ZNF331: variants seen among roughly 807,000 people sequenced by gnomAD.
ZNF331 encodes the protein zinc finger protein 331.
In ZNF331, 2 loss-of-function variants were observed where a neutral mutation model predicts 7.0. That is an observed-to-expected ratio of 0.29 (90% CI 0.12 to 0.90). ZNF331 has a LOEUF of 0.90. Among genes scored for constraint, ZNF331 ranks in the 40% least tolerant of loss-of-function variants. The pLI is 0.58. For missense variants in ZNF331, 432 were observed against 587.7 expected (o/e 0.74, Z 2.74); for synonymous variants, 196 against 205.4 (o/e 0.95, Z 0.39).
intron 2 of ZNF331, among the ~76,000 whole-genome samples, chr19:53,526,804 G>A (rs1014582406): frequency 1.4e-4 from 21 of 150,056 alleles, no homozygotes; most frequent in Non-Finnish European, 3.0e-4. Context: ...CGCCCACCTC[G>A]GCCTCCCAAA....
intron 2 of ZNF331, among the ~76,000 whole-genome samples, chr19:53,530,445 T>TCA (rs2087493907): frequency 6.6e-6 from 1 of 152,188 alleles, no homozygotes; most frequent in Non-Finnish European, 1.5e-5. Flanking sequence ...CCCACGGATG[T>TCA]CGATTTATAA....
chr19:53,503,395 G>C, the ZNF331 span: 1 of 499,464 alleles, frequency 2.0e-6, no homozygotes, highest in Non-Finnish European at 3.6e-6. Flanking sequence ...TGACAGAATG[G>C]CTGCTGGGAT....
intron 2 of ZNF331, among the ~76,000 whole-genome samples, chr19:53,542,269 G>T (rs2088229237): frequency 6.6e-6 from 1 of 152,136 alleles, no homozygotes; most frequent in Non-Finnish European, 1.5e-5. Context: ...TACCTTGTAG[G>T]ATTAGAAATC....
In ZNF331 at chr19:53,541,584, C is replaced by A. The variant is rs1441118764; in HGVS notation, c.-138+2302C>A. On this transcript the variant is annotated intron_variant, in intron 2 of 5. Coordinates refer to ENST00000449416, the MANE Select transcript of ZNF331 (RefSeq NM_001079906.2). ...CCTCTCAAGTACCTGGGATTACAGG[C>A]ACCAGCCACTGTACCCTGCTCCTAT... Among the ~76,000 whole-genome samples, 7 of 152,116 alleles carry A rather than the reference C, an allele frequency of 4.6e-5. No individual in the cohort carries two copies. In the East Asian group the frequency reaches 1.3e-3, roughly 29 times the overall value.
the ZNF331 span, among the ~76,000 whole-genome samples, chr19:53,509,032 T>G: frequency 6.6e-6 from 1 of 152,046 alleles, no homozygotes; most frequent in South Asian, 2.1e-4. Flanking sequence ...CCTCCGTGAG[T>G]CCCAGAAAGA....
intron 3 of ZNF331, among the ~76,000 whole-genome samples, chr19:53,565,473 T>C (rs374715223): frequency 1.6e-4 from 25 of 152,216 alleles, no homozygotes; most frequent in East Asian, 1.5e-3. Context: ...GTGTTGGCAT[T>C]ACAAGTGTGA....
upstream of ZNF331, among the ~76,000 whole-genome samples, chr19:53,515,256 T>C (rs2569584): frequency 9.2e-5 from 14 of 152,304 alleles, no homozygotes; most frequent in East Asian, 7.7e-4. Context: ...GCTTCTAACA[T>C]TGATGAATGC....
At chr19:53,528,415 C>T (rs1303437327) in intron 2 of ZNF331, among the ~76,000 whole-genome samples, 1 of 152,186 alleles carries the variant, frequency 6.6e-6, no homozygotes, top group Non-Finnish European at 1.5e-5. Flanking sequence ...TTAATAAAAA[C>T]AGCTAACTTA....
chr19:53,520,204 C>T (rs2087014218), upstream of ZNF331, among the ~76,000 whole-genome samples: 1 of 144,580 alleles, frequency 6.9e-6, no homozygotes, highest in South Asian at 2.4e-4. Context: ...CACACCACCA[C>T]GCCTGGCTAA....
In ZNF331 at chr19:53,546,140, G is replaced by GAAAAAAAAAAAAAAAAAAAAAAAAAAA. The variant is rs527391326; in HGVS notation, c.-138+6879_-138+6880insAAAAAAAAAAAAAAAAAAAAAAAAAAA. Among the ~76,000 whole-genome samples, 47 of 113,498 alleles carry GAAAAAAAAAAAAAAAAAAAAAAAAAAA rather than the reference G, an allele frequency of 4.1e-4. 4 individuals are homozygous for GAAAAAAAAAAAAAAAAAAAAAAAAAAA. The highest frequency in any genetic ancestry group is 7.5e-4 in the Non-Finnish European group (40 of 53,528). 74.5% of individuals were successfully genotyped at this position (113,498 alleles called of 152,430 possible). A position where few individuals can be genotyped will look rare whatever the true frequency, so the allele number is the denominator to read the frequency against. On this transcript the variant is annotated intron_variant, in intron 2 of 5. Transcript: ENST00000449416. ...CCTTCAGAAAAAGCATCCTGAGGGG[G>GAAAAAAAAAAAAAAAAAAAAAAAAAAA]AAAAAAAAAAAAAAAAAAAAATTAT...
At chr19:53,530,974 G>C (rs555715935) in intron 2 of ZNF331, among the ~76,000 whole-genome samples, 1 of 152,202 alleles carries the variant, frequency 6.6e-6, no homozygotes, top group South Asian at 2.1e-4. Context: ...TAGACCCCAG[G>C]AATCTCTGAA....
At chr19:53,520,744 G>A (rs1206931668), upstream of ZNF331, among the ~76,000 whole-genome samples, 1 of 152,182 alleles carries the variant, frequency 6.6e-6, no homozygotes, top group East Asian at 1.9e-4. Flanking sequence ...ACACTGATGG[G>A]CGCCCTTCCA....
At chr19:53,512,116 A>C in the ZNF331 span, 3 of 152,302 alleles carry the variant, frequency 2.0e-5, no homozygotes, top group Non-Finnish European at 2.9e-5. Flanking sequence ...CTGATCCACC[A>C]ACAGGGTCTG....
chr19:53,511,191 G>T, the ZNF331 span, among the ~76,000 whole-genome samples: 1 of 151,966 alleles, frequency 6.6e-6, no homozygotes, highest in East Asian at 1.9e-4. Flanking sequence ...GGATCAATAT[G>T]TAATTATCTA....
At chr19:53,536,854 G>C (rs752968528), upstream of ZNF331, among the ~76,000 whole-genome samples, 6 of 152,312 alleles carry the variant, frequency 3.9e-5, no homozygotes, top group East Asian at 9.6e-4. Context: ...AGTGAGCCGA[G>C]ATCGCACCAT....
chr19:53,512,499 TACCC>T, the ZNF331 span: 1 of 152,296 alleles, frequency 6.6e-6, no homozygotes, highest in African/African-American at 2.4e-5. Flanking sequence ...TTACTTCCCT[TACCC>T]AGTGAGGGCC....
chr19:53,531,690 T>G (rs1425885073), intron 2 of ZNF331, among the ~76,000 whole-genome samples: 1 of 152,206 alleles, frequency 6.6e-6, no homozygotes, highest in East Asian at 1.9e-4. Context: ...AAGGCATAAA[T>G]GTTTTCCAAG....
At position 53,543,954 on chromosome 19, in the gene ZNF331, C is replaced by T. The variant is rs146521274; in HGVS notation, c.-138+4672C>T. Among the ~76,000 whole-genome samples the T allele has an allele frequency of 1.2e-4, 19 of 152,232 alleles. No individual in the cohort carries two copies. The East Asian group carries it at 2.9e-3, about 23-fold the overall frequency. ...ATCATAAAAATTTTCTCAAGCCAGA[C>T]GCGGTGGCTCATGGCTGTAATCCCA... On this transcript the variant is annotated intron_variant, in intron 2 of 5. Transcript: ENST00000449416.
At chr19:53,567,294 C>G (rs1331837291) in intron 3 of ZNF331, among the ~76,000 whole-genome samples, 1 of 152,086 alleles carries the variant, frequency 6.6e-6, no homozygotes, top group Non-Finnish European at 1.5e-5. Context: ...GTAACATCAC[C>G]CAATCTAGAG....
Sources: allele counts gnomAD v4.1 joint callset (sites outside exome capture counted in the v4.1 genomes callset), GRCh38; gene constraint gnomAD v4.1.1; transcripts MANE v1.5; gene names NCBI Gene and HGNC (gene_info 2026-07-23, HGNC 2026-07-21).